Variants in NKAIN2 observed in about 807,000 individuals in gnomAD.
NKAIN2 encodes the protein sodium/potassium-transporting ATPase subunit beta-1-interacting protein 2.
In NKAIN2, 14 loss-of-function variants were observed where a neutral mutation model predicts 32.6. That is an observed-to-expected ratio of 0.43 (90% confidence interval 0.28 to 0.67). NKAIN2 has a LOEUF of 0.67. Among genes scored for constraint, NKAIN2 ranks in the 30% least tolerant of loss-of-function variants. The probability of loss-of-function intolerance (pLI) is 0.17; values close to 1 mark genes in which losing one functional copy is unlikely to be tolerated. For synonymous variants in NKAIN2, 80 were observed against 87.2 expected (o/e 0.92, Z 0.46); for missense variants, 198 against 258.3 (o/e 0.77, Z 1.60).
At chr6:124,264,793 T>C (rs948994998) in intron 1 of NKAIN2, among the ~76,000 whole-genome samples, 2 of 152,226 alleles carry the variant, frequency 1.3e-5, no homozygotes, top group African/African-American at 4.8e-5. Context: ...TTTTAAAATC[T>C]ATATCTCATT....
chr6:124,490,235 A>G (rs1048703702), intron 3 of NKAIN2: 6 of 280,714 alleles, frequency 2.1e-5, no homozygotes, highest in African/African-American at 1.3e-4. Flanking sequence ...AAAGAAAAAA[A>G]AACTAAGCCA....
chr6:124,008,849 T>C (rs986991294), intron 1 of NKAIN2, among the ~76,000 whole-genome samples: 1 of 152,114 alleles, frequency 6.6e-6, no homozygotes, highest in African/African-American at 2.4e-5. Context: ...AGTAGCATAG[T>C]TTTTCCTTCT....
intron 1 of NKAIN2, among the ~76,000 whole-genome samples, chr6:124,127,529 T>C (rs535885423): frequency 6.6e-6 from 1 of 152,288 alleles, no homozygotes; most frequent in South Asian, 2.1e-4. Context: ...CTTCTTTGTT[T>C]TTATACTTAG....
chr6:124,497,513 T>C (rs912641734), intron 3 of NKAIN2, among the ~76,000 whole-genome samples: 2 of 152,102 alleles, frequency 1.3e-5, no homozygotes, highest in Non-Finnish European at 2.9e-5. Context: ...TTGTTCCAGC[T>C]GAGATATTAA....
At chr6:123,948,051 T>C (rs1777151247) in intron 1 of NKAIN2, among the ~76,000 whole-genome samples, 1 of 152,136 alleles carries the variant, frequency 6.6e-6, no homozygotes, top group Non-Finnish European at 1.5e-5. Flanking sequence ...TCACTTAACA[T>C]AATATTTTCC....
chr6:124,571,708 C>G (rs1781134655), intron 3 of NKAIN2, among the ~76,000 whole-genome samples: 1 of 152,150 alleles, frequency 6.6e-6, no homozygotes, highest in Non-Finnish European at 1.5e-5. Flanking sequence ...ATACACCTTC[C>G]TCACATATGC....
At chr6:124,199,238 T>G (rs2114618846) in intron 1 of NKAIN2, among the ~76,000 whole-genome samples, 1 of 152,294 alleles carries the variant, frequency 6.6e-6, no homozygotes, top group African/African-American at 2.4e-5. Context: ...AAAAGATTTT[T>G]AAGAAGGAAG....
intron 3 of NKAIN2, among the ~76,000 whole-genome samples, chr6:124,525,134 GGAGA>G (rs1779263227): frequency 1.3e-5 from 2 of 152,086 alleles, no homozygotes; most frequent in East Asian, 3.9e-4. Context: ...AATAGCTTAG[GGAGA>G]GATAGGAAAA....
intron 1 of NKAIN2, among the ~76,000 whole-genome samples, chr6:124,023,385 T>C (rs920709037): frequency 6.6e-6 from 1 of 152,114 alleles, no homozygotes. Context: ...CCACTTTGTT[T>C]TCATACAGCC....
At chr6:124,459,594 C>T (rs750899792) in intron 3 of NKAIN2, among the ~76,000 whole-genome samples, 1 of 151,776 alleles carries the variant, frequency 6.6e-6, no homozygotes, top group Non-Finnish European at 1.5e-5. Context: ...AGGTATTGCT[C>T]TGTAAGTTTG....
At chr6:124,102,314 T>A (rs893095855) in intron 1 of NKAIN2, among the ~76,000 whole-genome samples, 2 of 152,190 alleles carry the variant, frequency 1.3e-5, no homozygotes, top group African/African-American at 4.8e-5. Context: ...ACTATTGGGT[T>A]TGCCATTCTG....
chr6:124,589,242 A>C (rs637547), intron 3 of NKAIN2, among the ~76,000 whole-genome samples: 124,415 of 152,152 alleles, frequency 0.82, 51,893 homozygotes, highest in Non-Finnish European at 0.89. Context: ...CTGAAGCACT[A>C]GGTTTTATTC....
At chr6:123,856,994 A>G (rs192962343) in intron 1 of NKAIN2, among the ~76,000 whole-genome samples, 2 of 152,310 alleles carry the variant, frequency 1.3e-5, no homozygotes, top group African/African-American at 4.8e-5. Flanking sequence ...TCAAATCTCA[A>G]TTTAATTGTT....
At chr6:124,079,025 G>A (rs560881556) in intron 1 of NKAIN2, among the ~76,000 whole-genome samples, 2 of 151,774 alleles carry the variant, frequency 1.3e-5, no homozygotes, top group Admixed American at 1.3e-4. Context: ...CATTATCAGT[G>A]GGGGCAAAGA....
chr6:124,698,946 T>C (rs1774632314), intron 4 of NKAIN2, among the ~76,000 whole-genome samples: 1 of 152,186 alleles, frequency 6.6e-6, no homozygotes. Flanking sequence ...GAGAGTTAAA[T>C]TACTTGTGAT....
intron 2 of NKAIN2, among the ~76,000 whole-genome samples, chr6:124,337,865 A>T (rs1038390943): frequency 6.6e-6 from 1 of 152,150 alleles, no homozygotes; most frequent in Non-Finnish European, 1.5e-5. Flanking sequence ...ATGTGCTGGG[A>T]TGTTGAGCTC....
At chr6:124,296,179 C>T (rs1479828403) in intron 2 of NKAIN2, among the ~76,000 whole-genome samples, 1 of 151,998 alleles carries the variant, frequency 6.6e-6, no homozygotes, top group Non-Finnish European at 1.5e-5. Context: ...TTCACTTCTC[C>T]TTGTATATTA....
At chr6:124,371,709 A>AAAAAAAAG (rs1554196667) in intron 3 of NKAIN2, among the ~76,000 whole-genome samples, 1 of 151,176 alleles carries the variant, frequency 6.6e-6, no homozygotes, top group African/African-American at 2.4e-5. Context: ...AAAAAAAAAA[A>AAAAAAAAG]AAAGAAAGAA....
chr6:123,863,178 TG>T (rs1464054721), intron 1 of NKAIN2, among the ~76,000 whole-genome samples: 1 of 152,230 alleles, frequency 6.6e-6, no homozygotes, highest in Non-Finnish European at 1.5e-5. Flanking sequence ...ACATTTATGT[TG>T]AAAGAGCTTT....
Sources: allele counts gnomAD v4.1 joint callset (sites outside exome capture counted in the v4.1 genomes callset), GRCh38; gene constraint gnomAD v4.1.1; transcripts MANE v1.5; gene names NCBI Gene and HGNC (gene_info 2026-07-23, HGNC 2026-07-21).